ARSB: variants seen among roughly 807,000 people sequenced by gnomAD.
ARSB encodes the protein N-acetylgalactosamine-4-sulfatase.
A neutral mutation model predicts 50.9 loss-of-function variants in ARSB; 41 were observed. The observed-to-expected ratio is 0.81, with a 90% CI of 0.63 to 1.04. The LOEUF (loss-of-function observed/expected upper bound fraction) is 1.04, where lower values mean the gene tolerates loss of function less well. Among genes scored for constraint, ARSB ranks in the 50% least tolerant of loss-of-function variants. The pLI is 0.00. For missense variants in ARSB, 672 were observed against 693.3 expected, an observed-to-expected ratio of 0.97 and a Z score of 0.35; for synonymous variants, 269 against 284.8, an observed-to-expected ratio of 0.94 and a Z score of 0.56.
At chr5:78,906,144 C>T (rs1163582282) in intron 4 of ARSB, among the ~76,000 whole-genome samples, 1 of 149,584 alleles carries the variant, frequency 6.7e-6, no homozygotes, top group Non-Finnish European at 1.5e-5. Flanking sequence ...TAGTGTGATC[C>T]AATCGCTAAC....
chr5:78,876,961 A>C (rs1747511187), intron 5 of ARSB, among the ~76,000 whole-genome samples: 1 of 152,140 alleles, frequency 6.6e-6, no homozygotes, highest in South Asian at 2.1e-4. Flanking sequence ...CTAATGCCTT[A>C]TGATCTGAGT....
intron 1 of ARSB, 117 bp from the exon 2 acceptor site, chr5:78,969,309 T>G: frequency 9.1e-7 from 1 of 1,097,370 alleles, no homozygotes; most frequent in South Asian, 1.3e-5. Context: ...TTAACTCTAT[T>G]CCTGTACTGG....
At chr5:78,785,631 A>C (rs1019810108) in intron 6 of ARSB, among the ~76,000 whole-genome samples, 1 of 152,198 alleles carries the variant, frequency 6.6e-6, no homozygotes, top group Non-Finnish European at 1.5e-5. Flanking sequence ...CCATCTGTCA[A>C]CATGTGTGAG....
chr5:78,840,483 TGTATTTGCCAA>T (rs1355352884), intron 5 of ARSB, among the ~76,000 whole-genome samples: 3 of 152,230 alleles, frequency 2.0e-5, no homozygotes, highest in African/African-American at 7.2e-5. Flanking sequence ...TTCACAACTT[TGTATTTGCCAA>T]GTAAGGAAAT....
intron 5 of ARSB, among the ~76,000 whole-genome samples, chr5:78,865,297 C>A (rs1460692286): frequency 6.6e-6 from 1 of 152,232 alleles, no homozygotes; most frequent in Non-Finnish European, 1.5e-5. Flanking sequence ...GCAGGCTCAA[C>A]ACCACGTGGA....
At chr5:78,966,801 T>C (rs1014079298) in intron 2 of ARSB, among the ~76,000 whole-genome samples, 8 of 152,156 alleles carry the variant, frequency 5.3e-5, no homozygotes, top group African/African-American at 1.7e-4. Flanking sequence ...AAAGGCCTGA[T>C]TGAAAAATTT....
chr5:78,852,979 T>C (rs1745911319), intron 5 of ARSB, among the ~76,000 whole-genome samples: 2 of 152,204 alleles, frequency 1.3e-5, no homozygotes, highest in African/African-American at 2.4e-5. Context: ...TCAAAGTTTT[T>C]AACTTCTTTG....
At chr5:78,826,747 A>C (rs1488663413) in intron 6 of ARSB, among the ~76,000 whole-genome samples, 1 of 152,226 alleles carries the variant, frequency 6.6e-6, no homozygotes, top group Non-Finnish European at 1.5e-5. Context: ...TTAAAGGAAG[A>C]AGCTAAAGCT....
chr5:78,843,598 G>A (rs1249233417), intron 5 of ARSB, among the ~76,000 whole-genome samples: 1 of 151,602 alleles, frequency 6.6e-6, no homozygotes, highest in Non-Finnish European at 1.5e-5. Flanking sequence ...AAACTGCACA[G>A]TTAAATGTTT....
chr5:78,911,572 T>C (rs1389145835), intron 4 of ARSB, among the ~76,000 whole-genome samples: 1 of 67,866 alleles, frequency 1.5e-5, no homozygotes, highest in African/African-American at 7.8e-5. Context: ...AGACTCCCTC[T>C]AAAAAAAAAA....
chr5:78,914,004 C>CCAGG (rs1311454974), intron 4 of ARSB, among the ~76,000 whole-genome samples: 16 of 150,448 alleles, frequency 1.1e-4, no homozygotes, highest in Middle Eastern at 3.4e-3. Flanking sequence ...ACTTTATCAC[C>CCAGG]CAGGCAGGAG....
chr5:78,882,317 A>C (rs1447750512), intron 5 of ARSB, among the ~76,000 whole-genome samples: 1 of 152,178 alleles, frequency 6.6e-6, no homozygotes, highest in Non-Finnish European at 1.5e-5. Flanking sequence ...CTCAGGAAAA[A>C]ATGAGACTGA....
intron 1 of ARSB, among the ~76,000 whole-genome samples, chr5:78,976,055 C>T (rs550745881): frequency 6.6e-6 from 1 of 151,986 alleles, no homozygotes; most frequent in South Asian, 2.1e-4. Flanking sequence ...TATTTTTAAT[C>T]TTGAGGTTTT....
At chr5:78,831,636 T>C (rs1331660891) in intron 6 of ARSB, among the ~76,000 whole-genome samples, 1 of 152,018 alleles carries the variant, frequency 6.6e-6, no homozygotes, top group African/African-American at 2.4e-5. Flanking sequence ...ACATGCCGGG[T>C]CTGAACAGCC....
chr5:78,949,856 G>A (rs1028935431), intron 4 of ARSB, among the ~76,000 whole-genome samples: 4 of 152,152 alleles, frequency 2.6e-5, no homozygotes, highest in Non-Finnish European at 5.9e-5. Context: ...ATTGCAGCAA[G>A]CCAAGATCAT....
intron 4 of ARSB, among the ~76,000 whole-genome samples, chr5:78,896,040 G>A (rs1006326074): frequency 2.6e-5 from 4 of 152,146 alleles, no homozygotes; most frequent in African/African-American, 9.7e-5. Flanking sequence ...GACTCCCTGC[G>A]GTTCTTGTGC....
chr5:78,893,112 G>T (rs337881), intron 4 of ARSB, among the ~76,000 whole-genome samples: 109,539 of 152,050 alleles, frequency 0.72, 40,240 homozygotes, highest in East Asian at 0.98. Context: ...CTTCACGAGA[G>T]CTGATGATTT....
At chr5:78,860,392 G>C (rs936817861) in intron 5 of ARSB, among the ~76,000 whole-genome samples, 1 of 152,142 alleles carries the variant, frequency 6.6e-6, no homozygotes, top group Non-Finnish European at 1.5e-5. Context: ...TAATAGAACA[G>C]AAATTATAAC....
At chr5:78,852,962 A>C (rs370721857) in intron 5 of ARSB, among the ~76,000 whole-genome samples, 2 of 151,944 alleles carry the variant, frequency 1.3e-5, no homozygotes, top group African/African-American at 2.4e-5. Context: ...ATTCGTCTAA[A>C]TTTTTTTCAA....
Sources: gnomAD v4.1 joint callset for allele counts (sites outside exome capture counted in the v4.1 genomes callset) on GRCh38, gnomAD v4.1.1 for gene constraint, MANE v1.5 for transcripts, NCBI Gene and HGNC (gene_info 2026-07-23, HGNC 2026-07-21) for gene names.